SOX5: variants seen among roughly 807,000 people sequenced by gnomAD.
The protein encoded by SOX5 is transcription factor SOX-5.
In SOX5, 9 loss-of-function variants were observed where a neutral mutation model predicts 92.0. That is an observed-to-expected ratio of 0.10 (90% CI 0.06 to 0.17). SOX5 has a LOEUF of 0.17. Ranked by LOEUF, SOX5 falls within the 10% of genes least tolerant of loss-of-function variation. The pLI is 1.00. For synonymous variants in SOX5, 344 were observed against 336.3 expected (o/e 1.02, Z -0.25); for missense variants, 642 against 944.5 (o/e 0.68, Z 4.20).
rs149651721 is a variant in SOX5 at position 24,338,951 on chromosome 12, G to A, written c.-174+29612C>T. On this transcript the variant is annotated intron_variant, in intron 2 of 4. Coordinates refer to the SOX5 transcript ENST00000446891. Reference sequence around the variant, plus strand: ...TATTTCTTCACAGTAGTATGAAAATGGACTAACACAGGTTGATTATTCATT... The same window carrying A: ...TATTTCTTCACAGTAGTATGAAAATAGACTAACACAGGTTGATTATTCATT... 3.0e-4 allele frequency among the ~76,000 whole-genome samples: 46 copies of A among 152,128 alleles called. 1 individual carries two copies. Among genetic ancestry groups the A allele is most frequent in the Middle Eastern group, 6.8e-3 (2 of 294 alleles).
At chr12:24,088,381 T>C (rs1459214039) in intron 4 of SOX5, among the ~76,000 whole-genome samples, 1 of 152,112 alleles carries the variant, frequency 6.6e-6, no homozygotes, top group African/African-American at 2.4e-5. Context: ...AAGAACAGTC[T>C]ACTATCAACT....
intron 4 of SOX5, among the ~76,000 whole-genome samples, chr12:24,032,708 A>G (rs1277029693): frequency 1.3e-5 from 2 of 151,920 alleles, no homozygotes; most frequent in Admixed American, 6.6e-5. Flanking sequence ...GGTGGGAAAT[A>G]TAAGTGAAAG....
intron 9 of SOX5, among the ~76,000 whole-genome samples, chr12:23,580,138 A>G (rs1363422399): frequency 1.3e-5 from 2 of 152,086 alleles, no homozygotes; most frequent in Non-Finnish European, 2.9e-5. Flanking sequence ...TAAGTATTCC[A>G]AAGAGTTTAT....
chr12:24,361,515 C>T (rs1220892011), intron 2 of SOX5, among the ~76,000 whole-genome samples: 2 of 152,054 alleles, frequency 1.3e-5, no homozygotes, highest in African/African-American at 4.8e-5. Context: ...AAGAACAATT[C>T]CTGGCACAAA....
chr12:24,166,415 G>A (rs925282525), intron 4 of SOX5, among the ~76,000 whole-genome samples: 11 of 152,272 alleles, frequency 7.2e-5, no homozygotes, highest in Admixed American at 3.3e-4. Flanking sequence ...TAGCATATAC[G>A]TTGATAAATG....
chr12:24,441,524 A>T (rs1940582645), intron 1 of SOX5, among the ~76,000 whole-genome samples: 1 of 152,136 alleles, frequency 6.6e-6, no homozygotes, highest in South Asian at 2.1e-4. Flanking sequence ...TGCTTTTAGC[A>T]CCTTTTACAA....
At chr12:24,439,451 G>C (rs1306709869) in intron 1 of SOX5, among the ~76,000 whole-genome samples, 1 of 152,136 alleles carries the variant, frequency 6.6e-6, no homozygotes, top group Admixed American at 6.5e-5. Flanking sequence ...GGACTATCCT[G>C]AGCATGCTCT....
chr12:23,667,312 C>T (rs1383804276), intron 6 of SOX5, among the ~76,000 whole-genome samples: 3 of 151,900 alleles, frequency 2.0e-5, no homozygotes, highest in South Asian at 4.1e-4. Flanking sequence ...ATACTTTAAT[C>T]GTTTATAATA....
intron 3 of SOX5, among the ~76,000 whole-genome samples, chr12:23,832,565 G>T (rs1341714734): frequency 6.6e-6 from 1 of 151,968 alleles, no homozygotes; most frequent in African/African-American, 2.4e-5. Context: ...TAGCCAGGGT[G>T]AAATAATGAC....
chr12:23,738,724 A>C (rs2093691857), intron 5 of SOX5, among the ~76,000 whole-genome samples: 1 of 152,174 alleles, frequency 6.6e-6, no homozygotes, highest in Non-Finnish European at 1.5e-5. Context: ...CAAAGCAAAT[A>C]GGGGTTATCT....
intron 2 of SOX5, among the ~76,000 whole-genome samples, chr12:23,855,361 A>G (rs1318615438): frequency 6.6e-6 from 1 of 152,086 alleles, no homozygotes; most frequent in Admixed American, 6.6e-5. Flanking sequence ...TGCATATTCA[A>G]TTTTCAAATT....
chr12:23,702,921 C>T (rs569324238), intron 6 of SOX5, among the ~76,000 whole-genome samples: 1 of 152,090 alleles, frequency 6.6e-6, no homozygotes, highest in East Asian at 1.9e-4. Context: ...TCACAGAAAC[C>T]AAAACCTTCT....
At chr12:23,583,525 A>G (rs1213337871) in intron 9 of SOX5, among the ~76,000 whole-genome samples, 3 of 152,116 alleles carry the variant, frequency 2.0e-5, no homozygotes, top group Non-Finnish European at 2.9e-5. Flanking sequence ...ACTTTGTTTA[A>G]CCTCTGGTCC....
chr12:24,126,663 C>T (rs971161577), intron 4 of SOX5, among the ~76,000 whole-genome samples: 1 of 152,182 alleles, frequency 6.6e-6, no homozygotes, highest in Non-Finnish European at 1.5e-5. Flanking sequence ...CAATTGCATT[C>T]CCTAGCTAAA....
intron 3 of SOX5, among the ~76,000 whole-genome samples, chr12:24,228,613 T>C (rs932357847): frequency 4.6e-5 from 7 of 152,204 alleles, no homozygotes; most frequent in African/African-American, 1.7e-4. Flanking sequence ...TGGAGCTATA[T>C]AGTACTGGCA....
chr12:23,699,538 T>C (rs141208798), intron 6 of SOX5, among the ~76,000 whole-genome samples: 226 of 152,320 alleles, frequency 1.5e-3, no homozygotes, highest in African/African-American at 5.1e-3. Flanking sequence ...TGTGGTTTCA[T>C]TGTTTCCTTA....
intron 3 of SOX5, among the ~76,000 whole-genome samples, chr12:23,774,353 T>G (rs1594288701): frequency 6.6e-6 from 1 of 152,206 alleles, no homozygotes; most frequent in East Asian, 1.9e-4. Flanking sequence ...CTTTTACATA[T>G]TTTGGTTATA....
intron 3 of SOX5, among the ~76,000 whole-genome samples, chr12:23,785,418 G>GA (rs1421292517): frequency 6.6e-6 from 1 of 152,008 alleles, no homozygotes; most frequent in Non-Finnish European, 1.5e-5. Context: ...TATTTGTGGG[G>GA]AAAAGAAACA....
At chr12:24,122,170 G>C (rs961890809) in intron 4 of SOX5, among the ~76,000 whole-genome samples, 1 of 152,138 alleles carries the variant, frequency 6.6e-6, no homozygotes, top group African/African-American at 2.4e-5. Flanking sequence ...ACTTTCAATG[G>C]AAATGTTAAA....
Sources: allele counts gnomAD v4.1 joint callset (sites outside exome capture counted in the v4.1 genomes callset), GRCh38; gene constraint gnomAD v4.1.1; transcripts MANE v1.5; gene names NCBI Gene and HGNC (gene_info 2026-07-23, HGNC 2026-07-21).